The following TEP1 variants were observed in gnomAD, a reference collection of about 807,000 sequenced individuals.
TEP1 encodes telomerase associated protein 1.
A neutral mutation model predicts 306.3 loss-of-function variants in TEP1; 241 were observed. That is an observed-to-expected ratio of 0.79 (90% CI 0.71 to 0.88). TEP1 has a LOEUF of 0.88. Ranked by LOEUF, TEP1 falls within the 40% of genes least tolerant of loss-of-function variation. TEP1 has a pLI of 0.00. For synonymous variants in TEP1, 1,289 were observed against 1,305.5 expected (o/e 0.99, Z 0.27); for missense variants, 3,051 against 3,276.1 (o/e 0.93, Z 1.68).
In TEP1 at chr14:20,390,985, C is replaced by A. The variant is rs761935601; in HGVS notation, c.2209G>T (p.Glu737Ter). 1 of 1,614,186 alleles carries A rather than the reference C, an allele frequency of 6.2e-7. No individual in the cohort carries two copies. The highest frequency in any genetic ancestry group is 8.5e-7 in the Non-Finnish European group (1 of 1,180,038). ...DTLKTAVLKA[E>*]EGILKTAIKL... The stretch of plus-strand genomic sequence containing the variant: ...ATGGCAGTCTTCAGGATGCCTTCTT[C>A]TGCCTTAAGCACTGCAGTCTTCAGA... The change falls in exon 14 of 55, where the codon GAA (glutamate) becomes TAA (stop). Residue 737 changes from glutamate (E) to a stop codon, truncating the protein, a stop_gained. Transcript: ENST00000262715. LOFTEE classifies it high-confidence loss of function.
In TEP1 at chr14:20,408,227, G is replaced by A. The variant is rs772191389; in HGVS notation, c.213C>T (p.His71=). The A allele has an allele frequency of 6.2e-7, 1 of 1,613,346 alleles. No homozygotes were observed. Among genetic ancestry groups the A allele is most frequent in the Non-Finnish European group, 8.5e-7 (1 of 1,179,540 alleles). The change falls in exon 2 of 55, where the codon CAC becomes CAT. Residue 71 remains histidine, a synonymous_variant. Transcript: ENST00000262715. ...MEKPHGYVSA[H]PDILSLENQC... ...GGTTCTCCAAGGAGAGGATGTCTGG[G>A]TGGGCAGACACATATCCATGTGGTT... is the stretch of plus-strand genomic sequence containing the variant.
In TEP1 at chr14:20,410,020, C is replaced by CAAAAAAAAA. The variant is rs570672845; in HGVS notation, c.-24-1566_-24-1558dup. 1.7e-3 allele frequency among the ~76,000 whole-genome samples: 100 copies of CAAAAAAAAA among 58,940 alleles called. 5 individuals carry two copies. The highest frequency in any genetic ancestry group is 2.6e-3 in the Admixed American group (13 of 5,084). 38.7% of individuals were successfully genotyped at this position (58,940 alleles called of 152,430 possible). ...TGGGCGACAGAGCAAGACTCTGTCT[C>CAAAAAAAAA]AAAAAAAAAAAAAAAAAAAAAAAAA... On this transcript the variant is annotated intron_variant, in intron 1 of 54. Coordinates refer to ENST00000262715, the MANE Select transcript of TEP1 (RefSeq NM_007110.5).
rs943206621 is a variant in TEP1, at chr14:20,365,869, T to A, written c.*2568A>T. On this transcript the variant is annotated 3_prime_UTR_variant, in exon 55 of 55. Coordinates refer to ENST00000262715, the MANE Select transcript of TEP1 (RefSeq NM_007110.5). ...CAGATGTGGATATATGTGTAAAAAT[T>A]TGGTATATAAAAAAGATGCTTTTCT... 2 of 152,150 alleles carry A rather than the reference T, an allele frequency of 1.3e-5. No individual in the cohort carries two copies. Among genetic ancestry groups the A allele is most frequent in the African/African-American group, 4.8e-5 (2 of 41,420 alleles). The allele number at this position is 152,150 out of a possible 1,614,324, so 9.4% of individuals were successfully genotyped here.
chr14:20,378,659 G>A, intron 37 of TEP1, 95 bp downstream of exon 37: 1 of 1,578,810 alleles, frequency 6.3e-7, no homozygotes, highest in Non-Finnish European at 8.7e-7. Flanking sequence ...TCTCTGGCCA[G>A]GGAGTCAGCA....
rs1297766815 is a variant in TEP1, at chr14:20,385,005, G to A, written c.3087C>T (p.Phe1029=). The A allele has an allele frequency of 3.7e-6, 6 of 1,614,096 alleles. No homozygotes were observed. In the African/African-American group the frequency reaches 6.7e-5, roughly 18 times the overall value. The part of the protein sequence containing the change: ...LQPSAQALIY[F]RDSSFLSSVP... ...AGTACCTGAGGAAGCTGGAATCCCG[G>A]AAGTAGATGAGAGCTTGGGCAGAGG... is the stretch of plus-strand genomic sequence containing the variant. The change falls in exon 21 of 55, where the codon TTC becomes TTT. Residue 1029 remains phenylalanine, a synonymous_variant. Transcript: ENST00000262715.
chr14:20,373,932 T>A, intron 44 of TEP1, 122 bp from the exon 45 acceptor site: 2 of 1,327,124 alleles, frequency 1.5e-6, no homozygotes, highest in Non-Finnish European at 2.1e-6. Context: ...GGAGGAGAAC[T>A]CAGGAACAGT....
intron 8 of TEP1, 71 bp downstream of exon 8, chr14:20,401,386 T>C (rs997986397): frequency 6.3e-7 from 1 of 1,591,956 alleles, no homozygotes; most frequent in Non-Finnish European, 8.6e-7. Flanking sequence ...ACTACTGGGA[T>C]GGGGGCCACG....
intron 1 of TEP1, among the ~76,000 whole-genome samples, chr14:20,412,680 C>CTTTTT (rs10717377): frequency 1.1e-4 from 12 of 105,436 alleles, no homozygotes; most frequent in Non-Finnish European, 1.5e-4. Flanking sequence ...TCACTCTTTC[C>CTTTTT]TTTTTTTTTT....
At chr14:20,372,566 A>C (rs1265932635) in intron 49 of TEP1, among the ~76,000 whole-genome samples, 167 bp downstream of exon 49, 3 of 152,184 alleles carry the variant, frequency 2.0e-5, no homozygotes, top group Non-Finnish European at 4.4e-5. Flanking sequence ...TAGGCACCTG[A>C]GAATTATTCA....
rs140332121 is a variant in TEP1 at position 20,377,342 on chromosome 14, G to C, written c.6026C>G (p.Ser2009Cys). The change falls in exon 41 of 55, where the codon TCC becomes TGC. Residue 2009 changes from serine (S) to cysteine (C), a missense_variant. By Grantham distance (112) the Ser-to-Cys change is moderately radical. Transcript: ENST00000262715. ...TCCTAGCACAGGCTTCTGGAATCTG[G>C]ACAGGAGCCAGAGGGACTGAAGGGA... is the stretch of plus-strand genomic sequence containing the variant. Reference protein sequence around the residue: ...ECSLQSLWLLSRFQKPVLGLA... With the variant: ...ECSLQSLWLLCRFQKPVLGLA... 3.6e-5 allele frequency: 58 copies of C among 1,614,066 alleles called. No individual in the cohort carries two copies. Among genetic ancestry groups the C allele is most frequent in the Non-Finnish European group, 4.6e-5 (54 of 1,180,034 alleles).
intron 36 of TEP1, 61 bp downstream of exon 36, chr14:20,378,920 C>T: frequency 1.2e-6 from 2 of 1,613,848 alleles, no homozygotes; most frequent in Non-Finnish European, 1.7e-6. Context: ...TTTCCTTCTC[C>T]TGGGGCTTCC....
Position 20,391,662 on chromosome 14 carries a change from A to G in TEP1, c.2034T>C (p.Thr678=). The stretch of plus-strand genomic sequence containing the variant: ...TAGCATCTGTCAGATAGACCAAGAC[A>G]GTGCGGCCTGGCAGCAGGGGCAGGC... The part of the protein sequence containing the change: ...KHSLPLLPGR[T]VLVYLTDANA... Residue 678 remains threonine, a synonymous_variant, in exon 13 of 55, where the codon ACT becomes ACC. Coordinates refer to ENST00000262715, the MANE Select transcript of TEP1 (RefSeq NM_007110.5). 1 of 1,614,210 alleles carries G rather than the reference A, an allele frequency of 6.2e-7. No homozygotes were observed. The highest frequency in any genetic ancestry group is 8.5e-7 in the Non-Finnish European group (1 of 1,180,034).
chr14:20,407,635 C>G (rs1319951417), intron 2 of TEP1, among the ~76,000 whole-genome samples: 2 of 152,218 alleles, frequency 1.3e-5, no homozygotes, highest in African/African-American at 2.4e-5. Flanking sequence ...GCCACCGCAC[C>G]CAGCCAGGAC....
At chr14:20,401,209 G>A in intron 8 of TEP1, 68 bp from the exon 9 acceptor site, 1 of 1,568,102 alleles carries the variant, frequency 6.4e-7, no homozygotes, top group Middle Eastern at 1.7e-4. Flanking sequence ...AAAAGGAAAG[G>A]TGAGTCATGT....
rs1406904725 is a variant in TEP1, at chr14:20,366,443, T to C, written c.*1994A>G. ...ATGGATCATAAATTTCAAAATACCA[T>C]AACTAGGACTTCTAGTCACAAGGTA... On this transcript the variant is annotated 3_prime_UTR_variant, in exon 55 of 55. Coordinates refer to ENST00000262715, the MANE Select transcript of TEP1 (RefSeq NM_007110.5). 2 of 152,160 alleles carry C rather than the reference T, an allele frequency of 1.3e-5. No homozygotes were observed. The highest frequency in any genetic ancestry group is 2.9e-5 in the Non-Finnish European group (2 of 68,038). 9.4% of individuals were successfully genotyped at this position (152,160 alleles called of 1,614,324 possible).
At position 20,379,969 on chromosome 14, in the gene TEP1, G is replaced by A; in HGVS notation, c.5088C>T (p.Ala1696=). The A allele has an allele frequency of 6.2e-7, 1 of 1,614,066 alleles. No individual in the cohort carries two copies. Among genetic ancestry groups the A allele is most frequent in the Non-Finnish European group, 8.5e-7 (1 of 1,180,000 alleles). ...GGTCCAACAGGTAAACTGTCCCATT[G>A]GCAGTGCCCACAGCTGCTCTTTGCC... ...TNGQRAAVGT[A]NGTVYLLDLR... is the part of the protein sequence containing the mutation. The change falls in exon 35 of 55, where the codon GCC becomes GCT. Residue 1696 remains alanine, a synonymous_variant. Transcript: ENST00000262715.
chr14:20,389,522 G>A, intron 16 of TEP1, 88 bp downstream of exon 16: 2 of 1,565,212 alleles, frequency 1.3e-6, no homozygotes, highest in Admixed American at 1.7e-5. Context: ...TCCCTGCCAA[G>A]TGGGAGTGTC....
At chr14:20,372,630 T>A (rs1002580409) in intron 49 of TEP1, 103 bp downstream of exon 49, 13 of 1,525,518 alleles carry the variant, frequency 8.5e-6, no homozygotes, top group Middle Eastern at 3.4e-4. Flanking sequence ...GTAACTAACA[T>A]CCAATTGACC....
chr14:20,395,904 C>A lies in TEP1; in HGVS notation c.1705G>T (p.Ala569Ser). Residue 569 changes from alanine to serine, a missense_variant, in exon 11 of 55, where the codon GCC (alanine) becomes TCC (serine). Physicochemically the swap from Ala to Ser is moderately conservative, Grantham distance 99. Coordinates refer to ENST00000262715, the MANE Select transcript of TEP1 (RefSeq NM_007110.5). ...TCGAGGGCATCAATGGCATCATGGGCGTTAAGAAATCTGAATGGAAACTGC... is the reference window on the plus strand; with the variant it reads ...TCGAGGGCATCAATGGCATCATGGGAGTTAAGAAATCTGAATGGAAACTGC... ...SRQFPFRFLN[A>S]HDAIDALEAQ... 2 of 1,613,914 alleles carry A rather than the reference C, an allele frequency of 1.2e-6. No homozygotes were observed. The highest frequency in any genetic ancestry group is 1.7e-6 in the Non-Finnish European group (2 of 1,179,950).
Sources: allele counts gnomAD v4.1 joint callset (sites outside exome capture counted in the v4.1 genomes callset), GRCh38; gene constraint gnomAD v4.1.1; transcripts MANE v1.5; gene names NCBI Gene and HGNC (gene_info 2026-07-23, HGNC 2026-07-21).